VAV2: variants seen among roughly 807,000 people sequenced by gnomAD.
VAV2 encodes guanine nucleotide exchange factor VAV2.
In VAV2, 67 loss-of-function variants were observed where a neutral mutation model predicts 132.5. The ratio of observed to expected loss-of-function variants is 0.51; its 90% CI spans 0.42 to 0.62. The LOEUF is 0.62. Ranked by LOEUF, VAV2 falls within the 20% of genes least tolerant of loss-of-function variation. The probability of loss-of-function intolerance (pLI) is 0.00; values close to 1 mark genes in which losing one functional copy is unlikely to be tolerated. For missense variants in VAV2, 938 were observed against 1,153.6 expected, an observed-to-expected ratio of 0.81 and a Z score of 2.71; for synonymous variants, 492 against 443.5, an observed-to-expected ratio of 1.11 and a Z score of -1.37.
chr9:133,876,495 C>G (rs1047452117), intron 2 of VAV2, among the ~76,000 whole-genome samples: 1 of 152,250 alleles, frequency 6.6e-6, no homozygotes, highest in Non-Finnish European at 1.5e-5. Context: ...GGGGCAGAGC[C>G]CACGCACAGG....
intron 3 of VAV2, among the ~76,000 whole-genome samples, chr9:133,856,863 T>C (rs980451271): frequency 6.6e-6 from 1 of 152,160 alleles, no homozygotes; most frequent in African/African-American, 2.4e-5. Context: ...ATTATGTGTA[T>C]TTACATCTGC....
intron 2 of VAV2, 47 bp downstream of exon 2, chr9:133,939,056 C>A (rs375863543): frequency 1.9e-6 from 3 of 1,564,888 alleles, no homozygotes; most frequent in South Asian, 1.1e-5. Context: ...GCCGGCAAAT[C>A]GGCCACCACA....
intron 1 of VAV2, among the ~76,000 whole-genome samples, chr9:133,981,546 A>C (rs1056526651): frequency 1.3e-5 from 2 of 152,202 alleles, no homozygotes; most frequent in African/African-American, 4.8e-5. Context: ...GAGGGTGCCG[A>C]GTCCTGAGGC....
At position 133,802,339 on chromosome 9, in the gene VAV2, C is replaced by CACACACACACAT. The variant is rs1282545219; in HGVS notation, c.836+3741_836+3742insATGTGTGTGTGT. Among the ~76,000 whole-genome samples the CACACACACACAT allele has an allele frequency of 6.6e-6, 1 of 151,810 alleles. No homozygotes were observed. Among genetic ancestry groups the CACACACACACAT allele is most frequent in the African/African-American group, 2.4e-5 (1 of 41,332 alleles). ...GCACGCGTGTACACACACACACACA[C>CACACACACACAT]ACACACACACACACACGACTTCATG... On this transcript the variant is annotated intron_variant, in intron 9 of 29. Coordinates refer to ENST00000371850, the MANE Select transcript of VAV2 (RefSeq NM_001134398.2). This position sits in a 1 kb window ranked among gnomAD's most constrained non-coding sequence, Gnocchi z 5.8.
intron 1 of VAV2, among the ~76,000 whole-genome samples, chr9:133,973,260 T>C (rs895018287): frequency 2.6e-5 from 4 of 152,096 alleles, no homozygotes; most frequent in Non-Finnish European, 5.9e-5. Context: ...GCCCAGAGCG[T>C]CAACCCCCTG....
chr9:133,881,293 C>T (rs1001186940), intron 2 of VAV2, among the ~76,000 whole-genome samples: 4 of 152,378 alleles, frequency 2.6e-5, no homozygotes, highest in East Asian at 3.9e-4. Context: ...GGAGCGCAGA[C>T]GTGGGACAAG....
At chr9:133,967,933 C>CAAAAAAAAAAA (rs34152925) in intron 1 of VAV2, among the ~76,000 whole-genome samples, 1 of 71,362 alleles carries the variant, frequency 1.4e-5, no homozygotes, top group South Asian at 7.3e-4. Context: ...ACTCTATAAC[C>CAAAAAAAAAAA]AAAAAAAAAA....
At chr9:133,917,666 T>C (rs1015867735) in intron 2 of VAV2, among the ~76,000 whole-genome samples, 24 of 152,260 alleles carry the variant, frequency 1.6e-4, no homozygotes, top group African/African-American at 5.5e-4. Context: ...CTCCCCTTTA[T>C]TGACGGGGAA....
intron 4 of VAV2, among the ~76,000 whole-genome samples, chr9:133,814,678 G>A (rs945395761): frequency 8.5e-5 from 13 of 152,246 alleles, no homozygotes; most frequent in Non-Finnish European, 1.3e-4. Context: ...GATGGCAAAC[G>A]GCCACACTGT....
At chr9:133,797,856 AG>A in intron 9 of VAV2, 47 bp from the exon 10 acceptor site, 1 of 1,581,608 alleles carries the variant, frequency 6.3e-7, no homozygotes, top group Middle Eastern at 1.7e-4. Flanking sequence ...TTTAATGAGC[AG>A]CTCGGGGCTG....
chr9:133,836,864 C>T (rs1009445630), intron 3 of VAV2, among the ~76,000 whole-genome samples: 1 of 152,234 alleles, frequency 6.6e-6, no homozygotes, highest in Non-Finnish European at 1.5e-5. Flanking sequence ...TTCCTGTGCC[C>T]AGGCAGACAT....
At chr9:133,798,872 C>G (rs1834824271) in intron 9 of VAV2, among the ~76,000 whole-genome samples, 1 of 152,222 alleles carries the variant, frequency 6.6e-6, no homozygotes, top group African/African-American at 2.4e-5. Flanking sequence ...CTGGGCCGGA[C>G]CCAGCGTCCT....
At chr9:133,787,109 G>A in intron 16 of VAV2, 137 bp downstream of exon 16, 1 of 930,872 alleles carries the variant, frequency 1.1e-6, no homozygotes, top group African/African-American at 1.7e-5. Flanking sequence ...ATCGGGAAAG[G>A]GAGTGGAGGA....
chr9:133,907,925 C>T (rs1013203385), intron 2 of VAV2, among the ~76,000 whole-genome samples: 1 of 139,422 alleles, frequency 7.2e-6, no homozygotes, highest in East Asian at 2.2e-4. Context: ...TCCCACCATG[C>T]CCCCCTTCCT....
chr9:133,800,949 T>C (rs1834904127), intron 9 of VAV2, among the ~76,000 whole-genome samples: 1 of 152,148 alleles, frequency 6.6e-6, no homozygotes, highest in Non-Finnish European at 1.5e-5. Context: ...AGCAAGGAGA[T>C]AGGTCAAAGG....
At chr9:133,836,403 C>T (rs1028830897) in intron 3 of VAV2, among the ~76,000 whole-genome samples, 4 of 152,216 alleles carry the variant, frequency 2.6e-5, no homozygotes, top group Non-Finnish European at 5.9e-5. Context: ...CTGTCTCCAA[C>T]CTCGTCAGTC....
At position 133,918,676 on chromosome 9, in the gene VAV2, C is replaced by T. The variant is rs938757367; in HGVS notation, c.321+20427G>A. ...CGCCTTTAATAAACACACAGGCAGA[C>T]CTCAAATCCAGGCCCATCTGAGTCC... On this transcript the variant is annotated intron_variant, in intron 2 of 29. Coordinates refer to ENST00000371850, the MANE Select transcript of VAV2 (RefSeq NM_001134398.2). The surrounding 1 kb of genome is among the most constrained non-coding windows in gnomAD (Gnocchi z 4.7). Among the ~76,000 whole-genome samples the T allele has an allele frequency of 6.6e-6, 1 of 152,092 alleles. No homozygotes were observed. Among genetic ancestry groups the T allele is most frequent in the Admixed American group, 6.5e-5 (1 of 15,272 alleles).
intron 3 of VAV2, among the ~76,000 whole-genome samples, chr9:133,847,832 T>C (rs1251620561): frequency 2.0e-5 from 3 of 152,042 alleles, no homozygotes; most frequent in Non-Finnish European, 4.4e-5. Flanking sequence ...GTGGCTGCTA[T>C]GATGGTGGGT....
intron 9 of VAV2, among the ~76,000 whole-genome samples, chr9:133,805,021 C>G (rs577668104): frequency 6.6e-6 from 1 of 152,266 alleles, no homozygotes; most frequent in South Asian, 2.1e-4. Flanking sequence ...ACAGAGCACA[C>G]AGGGAAGCAC....
Sources: gnomAD v4.1 joint callset for allele counts (sites outside exome capture counted in the v4.1 genomes callset) on GRCh38, gnomAD v4.1.1 for gene constraint, Gnocchi (gnomAD v3.1) non-coding constraint, MANE v1.5 for transcripts, NCBI Gene and HGNC (gene_info 2026-07-23, HGNC 2026-07-21) for gene names.